The following CCDC68 variants were observed in gnomAD, a reference collection of about 807,000 sequenced individuals.
CCDC68 encodes coiled-coil domain containing 68.
In CCDC68, 45 loss-of-function variants were observed where a neutral mutation model predicts 47.1. That is an observed-to-expected ratio of 0.96 (90% CI 0.75 to 1.23). The LOEUF (loss-of-function observed/expected upper bound fraction) is 1.23. Ranked by LOEUF, CCDC68 falls within the 50% of genes most tolerant of loss-of-function variation. CCDC68 has a pLI of 0.00. For synonymous variants in CCDC68, 131 were observed against 129.5 expected (o/e 1.01, Z -0.08); for missense variants, 353 against 373.6 (o/e 0.94, Z 0.45).
intron 1 of CCDC68, among the ~76,000 whole-genome samples, chr18:54,953,291 A>G (rs372983532): frequency 1.1e-3 from 158 of 146,554 alleles, no homozygotes; most frequent in African/African-American, 3.9e-3. Context: ...ATTTCCAAAA[A>G]CTTACAATAG....
At chr18:54,904,650 T>C (rs556145233) in intron 11 of CCDC68, among the ~76,000 whole-genome samples, 19 of 152,292 alleles carry the variant, frequency 1.2e-4, no homozygotes, top group African/African-American at 4.6e-4. Flanking sequence ...AGGACAAGAA[T>C]GAGGGAGCAT....
rs774082821 is a variant in CCDC68, at chr18:54,928,826, G to C, written c.657C>G (p.Leu219=). The part of the protein sequence containing the change: ...KLSLENKLLQ[L]KSSATYGKSC... The stretch of plus-strand genomic sequence containing the variant: ...TTTTTCCATATGTAGCACTGGATTT[G>C]AGTTGCAGTAGCTTGTTTTCCAAAG... Residue 219 remains leucine (L), a synonymous_variant, in exon 8 of 12, where the codon CTC becomes CTG. Transcript: ENST00000591504. 1.9e-6 allele frequency: 3 copies of C among 1,612,188 alleles called. No homozygotes were observed. Among genetic ancestry groups the C allele is most frequent in the Non-Finnish European group, 2.5e-6 (3 of 1,178,342 alleles).
intron 1 of CCDC68, among the ~76,000 whole-genome samples, chr18:54,951,128 T>C (rs1274930303): frequency 1.3e-5 from 2 of 151,242 alleles, no homozygotes; most frequent in Non-Finnish European, 2.9e-5. Flanking sequence ...CAGGATGGTC[T>C]CGATCTCCTG....
intron 4 of CCDC68, among the ~76,000 whole-genome samples, chr18:54,940,015 G>C (rs1368851154): frequency 6.6e-6 from 1 of 152,010 alleles, no homozygotes; most frequent in Non-Finnish European, 1.5e-5. Context: ...TAATCCACCA[G>C]CCTCATCTCA....
intron 7 of CCDC68, among the ~76,000 whole-genome samples, chr18:54,930,672 T>TTCCC (rs1346077027): frequency 0.017 from 168 of 9,830 alleles, 8 homozygotes; most frequent in Non-Finnish European, 0.026. Context: ...CCTTCCTTCC[T>TTCCC]TCCCTCCCTC....
intron 10 of CCDC68, among the ~76,000 whole-genome samples, chr18:54,912,888 A>G (rs1427545171): frequency 2.0e-5 from 3 of 152,150 alleles, no homozygotes; most frequent in Non-Finnish European, 4.4e-5. Flanking sequence ...ATCAGATCTC[A>G]TGAGACTTAT....
At chr18:54,958,658 C>T (rs910396098) in intron 1 of CCDC68, among the ~76,000 whole-genome samples, 1 of 152,272 alleles carries the variant, frequency 6.6e-6, no homozygotes, top group Admixed American at 6.5e-5. Context: ...GCTGAAAATT[C>T]ACAGCTATGT....
intron 1 of CCDC68, among the ~76,000 whole-genome samples, chr18:54,956,403 G>C (rs1021852500): frequency 6.6e-6 from 1 of 152,192 alleles, no homozygotes; most frequent in Non-Finnish European, 1.5e-5. Context: ...TATCATAGAA[G>C]AGAGTCAAAG....
At chr18:54,914,763 A>G (rs2145400512) in intron 10 of CCDC68, among the ~76,000 whole-genome samples, 1 of 152,298 alleles carries the variant, frequency 6.6e-6, no homozygotes, top group South Asian at 2.1e-4. Flanking sequence ...GAGGAGAGGG[A>G]CATACGTATA....
At chr18:54,915,936 T>C (rs2043943442) in intron 10 of CCDC68, among the ~76,000 whole-genome samples, 1 of 151,944 alleles carries the variant, frequency 6.6e-6, no homozygotes, top group African/African-American at 2.4e-5. Context: ...CTCAAATATA[T>C]ATATATATAT....
At chr18:54,936,141 T>C (rs2044338795) in intron 6 of CCDC68, among the ~76,000 whole-genome samples, 1 of 145,944 alleles carries the variant, frequency 6.9e-6, no homozygotes, top group Non-Finnish European at 1.5e-5. Flanking sequence ...TTTATATAGA[T>C]ATTATATATT....
At position 54,936,936 on chromosome 18, in the gene CCDC68, C is replaced by T. The variant is rs765362415; in HGVS notation, c.368G>A (p.Gly123Glu). The T allele has an allele frequency of 5.0e-6, 8 of 1,614,070 alleles. No homozygotes were observed. The highest frequency in any genetic ancestry group is 6.8e-6 in the Non-Finnish European group (8 of 1,180,010). The change falls in exon 6 of 12, where the codon GGA becomes GAA. Residue 123 changes from glycine to glutamate, a missense_variant. Physicochemically the swap from Gly to Glu is moderately conservative, Grantham distance 98. Coordinates refer to ENST00000591504, the MANE Select transcript of CCDC68 (RefSeq NM_025214.3). ...GGCCACGTTTCTCAGAGCTGCTGCT[C>T]CTGCTTCTCTGGAGGCTTGCAGCTA... ...KIKLQASREAGAAALRNVAQR... is the reference protein window; with the variant it reads ...KIKLQASREAEAAALRNVAQR...
intron 8 of CCDC68, among the ~76,000 whole-genome samples, chr18:54,925,666 G>A (rs995888696): frequency 1.3e-5 from 2 of 152,328 alleles, no homozygotes; most frequent in Non-Finnish European, 2.9e-5. Flanking sequence ...TAGTGGCATC[G>A]TAGAGCTTCT....
intron 1 of CCDC68, chr18:54,957,987 G>A (rs1019594905): frequency 1.3e-5 from 2 of 152,138 alleles, no homozygotes; most frequent in Non-Finnish European, 2.9e-5. Context: ...TCAATGTTGA[G>A]CATACTGTAA....
rs1471364962 is a variant in CCDC68 at position 54,958,961 on chromosome 18, C to T, written c.-103+375G>A. 2.6e-5 allele frequency among the ~76,000 whole-genome samples: 4 copies of T among 152,186 alleles called. 1 individual carries two copies. The East Asian group carries it at 7.7e-4, about 29-fold the overall frequency. Reference sequence around the variant, plus strand: ...CCACGCTGGAGTTCCTAGGTCAGGGCGTTTACCGCAGGACTTTTCTCCATA... The same window carrying T: ...CCACGCTGGAGTTCCTAGGTCAGGGTGTTTACCGCAGGACTTTTCTCCATA... On this transcript the variant is annotated intron_variant, in intron 1 of 11. Coordinates refer to ENST00000591504, the MANE Select transcript of CCDC68 (RefSeq NM_025214.3).
intron 5 of CCDC68, chr18:54,937,724 A>G (rs76197067): frequency 0.011 from 3,934 of 356,406 alleles, 147 homozygotes; most frequent in African/African-American, 0.073. Flanking sequence ...CTGAAATTGT[A>G]TAACTGTTGA....
At chr18:54,929,012 CAAGG>C in intron 7 of CCDC68, 130 bp from the exon 8 acceptor site, 2 of 633,730 alleles carry the variant, frequency 3.2e-6, no homozygotes, top group Non-Finnish European at 5.6e-6. Flanking sequence ...TCCTCATCTT[CAAGG>C]AAACCTGGCC....
intron 1 of CCDC68, among the ~76,000 whole-genome samples, chr18:54,951,103 T>A (rs557444138): frequency 7.3e-5 from 11 of 150,400 alleles, no homozygotes; most frequent in African/African-American, 2.2e-4. Context: ...AGAGACGGGG[T>A]TTCACCGTGT....
chr18:54,911,623 G>A (rs138263011), intron 10 of CCDC68, among the ~76,000 whole-genome samples: 51 of 152,076 alleles, frequency 3.4e-4, no homozygotes, highest in African/African-American at 9.6e-4. Flanking sequence ...TCCAAACAAG[G>A]GCAGGCACAT....
Sources: gnomAD v4.1 joint callset for allele counts (sites outside exome capture counted in the v4.1 genomes callset) on GRCh38, gnomAD v4.1.1 for gene constraint, MANE v1.5 for transcripts, NCBI Gene and HGNC (gene_info 2026-07-23, HGNC 2026-07-21) for gene names.